Variants in PI4KA observed in about 807,000 individuals in gnomAD.
PI4KA encodes PI4-kinase alpha.
PI4KA carries 122 observed loss-of-function variants against 271.4 expected under a neutral mutation model. The ratio of observed to expected loss-of-function variants is 0.45; its 90% CI spans 0.39 to 0.52. The LOEUF is 0.52. Ranked by LOEUF, PI4KA falls within the 20% of genes least tolerant of loss-of-function variation. PI4KA has a pLI of 0.00. For synonymous variants in PI4KA, 1,041 were observed against 1,078.8 expected, an observed-to-expected ratio of 0.96 and a Z score of 0.69; for missense variants, 1,969 against 2,769.1, an observed-to-expected ratio of 0.71 and a Z score of 6.48.
intron 42 of PI4KA, chr22:20,722,073 C>T (rs1157682403): frequency 1.3e-5 from 2 of 152,262 alleles, no homozygotes; most frequent in Non-Finnish European, 2.9e-5. Context: ...CCAGGTAAGA[C>T]GGACCTACTT....
chr22:20,787,099 G>T, intron 19 of PI4KA: 1 of 1,581,176 alleles, frequency 6.3e-7, no homozygotes. Context: ...AGTGCCTTGG[G>T]GGCACCCTCA....
At chr22:20,741,232 GAACTAT>G (rs1929406152) in intron 32 of PI4KA, among the ~76,000 whole-genome samples, 2 of 152,196 alleles carry the variant, frequency 1.3e-5, no homozygotes, top group Non-Finnish European at 2.9e-5. Context: ...TCCCTGGCAA[GAACTAT>G]AACTGATGTG....
At chr22:20,798,915 TC>T in intron 16 of PI4KA, 177 bp downstream of exon 16, 1 of 635,340 alleles carries the variant, frequency 1.6e-6, no homozygotes, top group Non-Finnish European at 2.7e-6. Flanking sequence ...AAATTAAACC[TC>T]TTTTTCCCCA....
chr22:20,800,709 A>C (rs1053833363), intron 14 of PI4KA, among the ~76,000 whole-genome samples: 5 of 149,198 alleles, frequency 3.4e-5, no homozygotes, highest in Non-Finnish European at 7.4e-5. Context: ...AAAAAAAAAA[A>C]AAAAATACAA....
intron 22 of PI4KA, among the ~76,000 whole-genome samples, chr22:20,763,167 C>T (rs1423344168): frequency 6.6e-6 from 1 of 151,794 alleles, no homozygotes; most frequent in Non-Finnish European, 1.5e-5. Flanking sequence ...GGCTGCAGTG[C>T]AGTGGCACCA....
rs766082236 is a variant in PI4KA at position 20,803,288 on chromosome 22, C to T, written c.1494G>A (p.Val498=). The part of the protein sequence containing the change: ...GLGRLCERFP[V]VVHSVTPSLR... ...AGGACGGTGTCACAGAGTGCACCAC[C>T]ACCGGGAACCTCTCGCACAGGCGGC... is the stretch of plus-strand genomic sequence containing the variant. The change falls in exon 13 of 55, where the codon GTG becomes GTA. Residue 498 remains valine (V), a synonymous_variant. Transcript: ENST00000255882. 1 of 1,614,154 alleles carries T rather than the reference C, an allele frequency of 6.2e-7. No homozygotes were observed. Among genetic ancestry groups the T allele is most frequent in the Non-Finnish European group, 8.5e-7 (1 of 1,179,992 alleles).
chr22:20,729,736 T>C (rs567443691), intron 37 of PI4KA, 25 bp from the exon 38 acceptor site: 1 of 1,583,812 alleles, frequency 6.3e-7, no homozygotes, highest in South Asian at 1.1e-5. Context: ...AAAGCACAGG[T>C]GTAGTCCTCA....
At position 20,761,360 on chromosome 22, in the gene PI4KA, C is replaced by T. The variant is rs202130899; in HGVS notation, c.2735G>A (p.Arg912His). Reference sequence around the variant, plus strand: ...AAAGTAGCAGAACATTACCTGGAAGCGATCAGGATCTGTTGAACGCAGTAC... The same window carrying T: ...AAAGTAGCAGAACATTACCTGGAAGTGATCAGGATCTGTTGAACGCAGTAC... ...MRVLRSTDPD[R>H]FQVMFCYFED... The change falls in exon 23 of 55, where the codon CGC (arginine) becomes CAC (histidine). Residue 912 changes from arginine to histidine, a missense_variant. Physicochemically the swap from Arg to His is conservative, Grantham distance 29. Transcript: ENST00000255882. 8.1e-6 allele frequency: 13 copies of T among 1,612,150 alleles called. No homozygotes were observed. The highest frequency in any genetic ancestry group is 2.7e-5 in the African/African-American group (2 of 74,980).
intron 1 of PI4KA, among the ~76,000 whole-genome samples, chr22:20,840,993 T>C (rs1486184355): frequency 6.6e-6 from 1 of 152,044 alleles, no homozygotes; most frequent in Admixed American, 6.6e-5. Flanking sequence ...AGTCACAGGG[T>C]GAGACAGGAA....
intron 42 of PI4KA, among the ~76,000 whole-genome samples, chr22:20,723,186 C>CT (rs1399062140): frequency 5.3e-5 from 8 of 151,386 alleles, no homozygotes; most frequent in Admixed American, 3.9e-4. Flanking sequence ...CCTGGCTAAT[C>CT]TTTTTTTGTA....
chr22:20,838,531 A>G, intron 2 of PI4KA, 84 bp downstream of exon 2: 2 of 779,848 alleles, frequency 2.6e-6, no homozygotes, highest in Non-Finnish European at 4.5e-6. Context: ...CTATTGCTTT[A>G]GGTAAATATA....
intron 19 of PI4KA, chr22:20,773,818 GGC>G (rs1933030577): frequency 6.6e-6 from 1 of 152,472 alleles, no homozygotes; most frequent in Non-Finnish European, 1.5e-5. Flanking sequence ...GGTCCCCAGA[GGC>G]CTGAAGAGCG....
At chr22:20,756,639 T>A (rs190123700) in intron 23 of PI4KA, among the ~76,000 whole-genome samples, 1,680 of 130,616 alleles carry the variant, frequency 0.013, 17 homozygotes, top group East Asian at 0.064. Context: ...TTAAAAAAAA[T>A]TTTTTTTTTG....
intron 19 of PI4KA, among the ~76,000 whole-genome samples, chr22:20,785,216 T>C (rs1033733380): frequency 6.6e-6 from 1 of 152,030 alleles, no homozygotes; most frequent in African/African-American, 2.4e-5. Context: ...ACTACAGGCG[T>C]GCACCTTCAT....
At chr22:20,846,614 G>A (rs368950989) in intron 1 of PI4KA, among the ~76,000 whole-genome samples, 10 of 151,850 alleles carry the variant, frequency 6.6e-5, no homozygotes, top group African/African-American at 1.7e-4. Context: ...AGGCCAAGGC[G>A]GGTGGATCAC....
Position 20,728,877 on chromosome 22 carries a change from A to G in PI4KA, c.4682+436T>C, listed in dbSNP as rs1018976117. Among the ~76,000 whole-genome samples the G allele has an allele frequency of 5.9e-5, 9 of 152,302 alleles. No homozygotes were observed. In the East Asian group the frequency reaches 1.5e-3, roughly 26 times the overall value. On this transcript the variant is annotated intron_variant, in intron 39 of 54. Coordinates refer to ENST00000255882, the MANE Select transcript of PI4KA (RefSeq NM_058004.4). ...TGTCCCCATAAGAGCTGCCACAGAG[A>G]GATCACAGGAATGTCACTGCTGTCT...
intron 39 of PI4KA, among the ~76,000 whole-genome samples, chr22:20,728,670 G>A (rs948009840): frequency 2.6e-5 from 4 of 152,204 alleles, no homozygotes; most frequent in East Asian, 1.9e-4. Flanking sequence ...GCAGAGCTGC[G>A]CTGCGATCCT....
chr22:20,850,538 G>A (rs1201170729), intron 1 of PI4KA, among the ~76,000 whole-genome samples: 3 of 151,892 alleles, frequency 2.0e-5, no homozygotes, highest in Non-Finnish European at 4.4e-5. Flanking sequence ...CCGCCTCCCA[G>A]GTTCATGCCA....
intron 30 of PI4KA, 25 bp downstream of exon 30, chr22:20,744,603 T>C: frequency 1.3e-6 from 2 of 1,586,432 alleles, no homozygotes; most frequent in Non-Finnish European, 1.7e-6. Flanking sequence ...TTAAAGGCCC[T>C]AGGGCGCAAG....
Sources: allele counts gnomAD v4.1 joint callset (sites outside exome capture counted in the v4.1 genomes callset), GRCh38; gene constraint gnomAD v4.1.1; transcripts MANE v1.5; gene names NCBI Gene and HGNC (gene_info 2026-07-23, HGNC 2026-07-21).